The following FNBP1L variants were observed in gnomAD, a reference collection of about 807,000 sequenced individuals.
FNBP1L encodes the protein formin-binding protein 1-like.
Under a neutral mutation model 91.2 loss-of-function variants are expected in FNBP1L, and 36 were observed. That is an observed-to-expected ratio of 0.39 (90% CI 0.30 to 0.52). FNBP1L has a LOEUF of 0.52. Among genes scored for constraint, FNBP1L ranks in the 20% least tolerant of loss-of-function variants. The pLI is 0.66. For missense variants in FNBP1L, 571 were observed against 732.1 expected, an observed-to-expected ratio of 0.78 and a Z score of 2.54; for synonymous variants, 242 against 237.0, an observed-to-expected ratio of 1.02 and a Z score of -0.19.
chr1:93,449,873 G>A (rs1273610876), intron 1 of FNBP1L, among the ~76,000 whole-genome samples: 1 of 151,896 alleles, frequency 6.6e-6, no homozygotes, highest in East Asian at 1.9e-4. Flanking sequence ...AAAGGAAATG[G>A]GTATAGTTTT....
intron 1 of FNBP1L, among the ~76,000 whole-genome samples, chr1:93,478,676 C>T (rs1002086247): frequency 5.9e-5 from 9 of 152,190 alleles, no homozygotes; most frequent in South Asian, 2.1e-4. Flanking sequence ...CTGATTACTA[C>T]CTGCTGGAGA....
intron 1 of FNBP1L, among the ~76,000 whole-genome samples, chr1:93,481,167 G>T (rs1299228793): frequency 6.6e-6 from 1 of 152,132 alleles, no homozygotes. Flanking sequence ...CATAATCTCA[G>T]TGTTTCTATG....
chr1:93,465,783 T>G, intron 1 of FNBP1L, among the ~76,000 whole-genome samples: 1 of 152,204 alleles, frequency 6.6e-6, no homozygotes, highest in East Asian at 1.9e-4. Context: ...CGCCACACTG[T>G]CTTCCACAAT....
intron 1 of FNBP1L, among the ~76,000 whole-genome samples, chr1:93,456,602 C>CAAAAAAAA (rs60167572): frequency 0.014 from 772 of 53,306 alleles, 3 homozygotes; most frequent in Non-Finnish European, 0.023. Context: ...CCTTCTCTAC[C>CAAAAAAAA]AAAAAAAAAA....
chr1:93,500,216 C>T (rs1404933516), intron 2 of FNBP1L, among the ~76,000 whole-genome samples: 1 of 152,080 alleles, frequency 6.6e-6, no homozygotes, highest in Non-Finnish European at 1.5e-5. Context: ...AAAAAGTGTC[C>T]TGAAGTGACA....
chr1:93,543,188 A>G (rs1265056573), intron 11 of FNBP1L, among the ~76,000 whole-genome samples: 1 of 152,234 alleles, frequency 6.6e-6, no homozygotes, highest in East Asian at 1.9e-4. Context: ...ATATAGGTTT[A>G]TATTAAATAG....
intron 2 of FNBP1L, among the ~76,000 whole-genome samples, chr1:93,510,363 G>A (rs1358568231): frequency 6.6e-6 from 1 of 152,136 alleles, no homozygotes. Flanking sequence ...CACCTCACAC[G>A]GCTGGGTACT....
chr1:93,467,741 T>G (rs1669140147), intron 1 of FNBP1L, among the ~76,000 whole-genome samples: 1 of 151,998 alleles, frequency 6.6e-6, no homozygotes, highest in Non-Finnish European at 1.5e-5. Flanking sequence ...TGCCTGTTAA[T>G]AGCCACCGTA....
chr1:93,476,691 G>C (rs1669507495), intron 1 of FNBP1L, among the ~76,000 whole-genome samples: 1 of 152,078 alleles, frequency 6.6e-6, no homozygotes, highest in South Asian at 2.1e-4. Context: ...TAATAGGTGT[G>C]TGTGAGTGGG....
At chr1:93,497,976 AAAAAC>A (rs1670323931) in intron 1 of FNBP1L, among the ~76,000 whole-genome samples, 1 of 152,014 alleles carries the variant, frequency 6.6e-6, no homozygotes. Context: ...TGTTAAAAAA[AAAAAC>A]TGTTTAAAAA....
chr1:93,538,082 C>A (rs1166333199), intron 10 of FNBP1L, among the ~76,000 whole-genome samples: 1 of 151,690 alleles, frequency 6.6e-6, no homozygotes, highest in Non-Finnish European at 1.5e-5. Flanking sequence ...TTTGTATATC[C>A]TATATAATGA....
intron 2 of FNBP1L, among the ~76,000 whole-genome samples, chr1:93,513,816 C>T (rs1670958517): frequency 6.6e-6 from 1 of 152,130 alleles, no homozygotes; most frequent in Non-Finnish European, 1.5e-5. Context: ...CAATATCATA[C>T]TGAATGGGCA....
chr1:93,504,023 T>A (rs1465251099), intron 2 of FNBP1L, among the ~76,000 whole-genome samples: 1 of 152,156 alleles, frequency 6.6e-6, no homozygotes. Context: ...GTGCACAAAC[T>A]ACTCTTATTT....
intron 11 of FNBP1L, among the ~76,000 whole-genome samples, chr1:93,542,888 A>T (rs951922980): frequency 3.5e-5 from 5 of 142,600 alleles, no homozygotes; most frequent in Admixed American, 2.3e-4. Flanking sequence ...GGTTCAAGTG[A>T]TTCTCCTGCC....
intron 1 of FNBP1L, among the ~76,000 whole-genome samples, chr1:93,477,512 C>T (rs946976362): frequency 1.3e-5 from 2 of 152,184 alleles, no homozygotes; most frequent in African/African-American, 4.8e-5. Context: ...TATGTTCATT[C>T]TGCAAACTTT....
intron 1 of FNBP1L, among the ~76,000 whole-genome samples, chr1:93,469,782 G>T (rs186725807): frequency 1.3e-5 from 2 of 152,114 alleles, no homozygotes; most frequent in African/African-American, 4.8e-5. Context: ...ATCAGCCTGG[G>T]CAATATAGCA....
chr1:93,530,390 C>A (rs1671633985), intron 6 of FNBP1L, among the ~76,000 whole-genome samples: 1 of 151,974 alleles, frequency 6.6e-6, no homozygotes, highest in South Asian at 2.1e-4. Flanking sequence ...ACCTGTTTTT[C>A]TCTTCTGATT....
chr1:93,504,847 T>A (rs1210322168), intron 2 of FNBP1L, among the ~76,000 whole-genome samples: 3 of 152,192 alleles, frequency 2.0e-5, no homozygotes, highest in African/African-American at 7.2e-5. Context: ...TTGCCAGATA[T>A]ATGATTTGCA....
chr1:93,460,301 C>A (rs189363318), intron 1 of FNBP1L, among the ~76,000 whole-genome samples: 1 of 152,144 alleles, frequency 6.6e-6, no homozygotes, highest in Non-Finnish European at 1.5e-5. Context: ...AGCACCAAGG[C>A]GCTGTCTTGG....
Sources: allele counts gnomAD v4.1 joint callset (sites outside exome capture counted in the v4.1 genomes callset), GRCh38; gene constraint gnomAD v4.1.1; transcripts MANE v1.5; gene names NCBI Gene and HGNC (gene_info 2026-07-23, HGNC 2026-07-21).